MCF2L: variants seen among roughly 807,000 people sequenced by gnomAD.
MCF2L encodes the protein MCF.2 cell line derived transforming sequence like.
MCF2L carries 97 observed loss-of-function variants against 153.4 expected under a neutral mutation model. That is an observed-to-expected ratio of 0.63 (90% CI 0.54 to 0.75). MCF2L has a LOEUF of 0.75. Ranked by LOEUF, MCF2L falls within the 30% of genes least tolerant of loss-of-function variation. The pLI, the probability that MCF2L is intolerant of heterozygous loss-of-function variation, is 0.00. For synonymous variants in MCF2L, 659 were observed against 632.2 expected, an observed-to-expected ratio of 1.04 and a Z score of -0.64; for missense variants, 1,347 against 1,495.2, an observed-to-expected ratio of 0.90 and a Z score of 1.64.
At position 113,066,088 on chromosome 13, in the gene MCF2L, GA is replaced by G; in HGVS notation, c.800del (p.Glu267GlyfsTer15). The G allele has an allele frequency of 6.2e-7, 1 of 1,613,374 alleles. No individual in the cohort carries two copies. ...LALKEGHSVL[E>X]SLRELQAEGS... ...ACTGAAAGAGGGGCACAGTGTCCTG[GA>G]GAGCCTCAGGGAGCTGCAGGCTGAG... On this transcript the variant is annotated frameshift_variant, in exon 8 of 30. Transcript: ENST00000535094. LOFTEE classifies it high-confidence loss of function.
chr13:113,040,204 A>T (rs2086390486), intron 3 of MCF2L: 1 of 152,222 alleles, frequency 6.6e-6, no homozygotes, highest in African/African-American at 2.4e-5. Flanking sequence ...AAGAGTCGGG[A>T]TGGGGCACCC....
intron 1 of MCF2L, among the ~76,000 whole-genome samples, chr13:112,895,556 A>AG (rs1166056331): frequency 6.6e-6 from 1 of 152,060 alleles, no homozygotes; most frequent in Non-Finnish European, 1.5e-5. Flanking sequence ...CTGTGGAGCG[A>AG]GGGGTCCAGG....
intron 3 of MCF2L, among the ~76,000 whole-genome samples, chr13:113,029,702 C>T (rs1483324996): frequency 2.6e-5 from 4 of 152,200 alleles, no homozygotes; most frequent in Non-Finnish European, 4.4e-5. Flanking sequence ...GGCTCGGTCC[C>T]GGGACATCCC....
chr13:113,047,186 G>C (rs2086870144), intron 4 of MCF2L: 1 of 152,486 alleles, frequency 6.6e-6, no homozygotes, highest in Non-Finnish European at 1.5e-5. Flanking sequence ...CCATTCATAA[G>C]GGGTCACGCC....
intron 3 of MCF2L, chr13:113,044,525 T>C: frequency 9.1e-7 from 1 of 1,101,286 alleles, no homozygotes; most frequent in Non-Finnish European, 1.3e-6. Context: ...GCCCCTGCCT[T>C]AGGCATGCCC....
intron 4 of MCF2L, among the ~76,000 whole-genome samples, chr13:113,047,927 G>A (rs191628147): frequency 9.2e-5 from 14 of 152,284 alleles, no homozygotes; most frequent in Non-Finnish European, 1.2e-4. Flanking sequence ...CTGACGCCTC[G>A]CTACGCGTGC....
chr13:112,962,530 C>G (rs2993343), intron 2 of MCF2L, among the ~76,000 whole-genome samples: 99,377 of 152,096 alleles, frequency 0.65, 32,759 homozygotes, highest in Non-Finnish European at 0.71. Context: ...GTGCCCAGGC[C>G]TGGTCCCTGG....
At position 113,070,618 on chromosome 13, in the gene MCF2L, C is replaced by T. The variant is rs2032814442; in HGVS notation, c.996+445C>T. 7.2e-6 allele frequency among the ~76,000 whole-genome samples: 1 copy of T among 139,570 alleles called. No individual in the cohort carries two copies. The highest frequency in any genetic ancestry group is 2.2e-4 in the South Asian group (1 of 4,550). The allele number at this position is 139,570 out of a possible 152,430, so 91.6% of individuals were successfully genotyped here. On this transcript the variant is annotated intron_variant, in intron 9 of 29. Transcript: ENST00000535094. This position sits in a 1 kb window ranked among gnomAD's most constrained non-coding sequence, Gnocchi z 5.6. ...CCTCCTGCGGCCCTTCGTGGACTCA[C>T]CCATGTCCCTCCTCAGCCCCCGGCA...
At chr13:112,898,615 C>A (rs1173081050) in intron 1 of MCF2L, among the ~76,000 whole-genome samples, 2 of 152,144 alleles carry the variant, frequency 1.3e-5, no homozygotes, top group African/African-American at 4.8e-5. Flanking sequence ...GTACTCCCAC[C>A]CCTGGGACCG....
At chr13:113,091,795 G>T (rs926870401) in intron 26 of MCF2L, among the ~76,000 whole-genome samples, 3 of 152,150 alleles carry the variant, frequency 2.0e-5, no homozygotes, top group African/African-American at 7.2e-5. Context: ...GACCTCCCCT[G>T]GCCTGTTGAG....
chr13:112,979,747 G>A lies in MCF2L; in HGVS notation c.79+10289G>A, dbSNP rs755129494. ...AGGAGGCGCCGGGGAACTGCAGGGC[G>A]CTCGAGGCCAGGTGAGATACAATGG... On this transcript the variant is annotated intron_variant, in intron 1 of 29. Transcript: ENST00000535094. The A allele has an allele frequency of 7.9e-5, 128 of 1,611,544 alleles. 1 individual carries two copies. The highest frequency in any genetic ancestry group is 3.3e-4 in the Middle Eastern group (2 of 6,072).
chr13:112,898,644 C>G (rs2081091069), intron 1 of MCF2L, among the ~76,000 whole-genome samples: 2 of 152,158 alleles, frequency 1.3e-5, no homozygotes, highest in Non-Finnish European at 1.5e-5. Context: ...TGCCTCCCCT[C>G]CTCCATTTGC....
chr13:113,015,350 T>C (rs2993297), intron 2 of MCF2L, among the ~76,000 whole-genome samples: 69,192 of 152,150 alleles, frequency 0.45, 16,123 homozygotes, highest in South Asian at 0.68. Context: ...CCGAGCTATG[T>C]AGATGCCGTT....
At position 113,031,464 on chromosome 13, in the gene MCF2L, G is replaced by A. The variant is rs990333220; in HGVS notation, c.278+6706G>A. Among the ~76,000 whole-genome samples, 4 of 152,204 alleles carry A rather than the reference G, an allele frequency of 2.6e-5. No individual in the cohort carries two copies. Among genetic ancestry groups the A allele is most frequent in the African/African-American group, 7.2e-5 (3 of 41,450 alleles). Reference sequence around the variant, plus strand: ...ACAGAGTGCCGGGGAGTCGGGGGCTGTAGGGACAGAGTCTGGGAGGTGAGA... The same window carrying A: ...ACAGAGTGCCGGGGAGTCGGGGGCTATAGGGACAGAGTCTGGGAGGTGAGA... On this transcript the variant is annotated intron_variant, in intron 3 of 29. Transcript: ENST00000535094. This position sits in a 1 kb window ranked among gnomAD's most constrained non-coding sequence, Gnocchi z 5.5.
At chr13:113,091,622 G>C (rs143001746) in intron 26 of MCF2L, among the ~76,000 whole-genome samples, 1 of 152,048 alleles carries the variant, frequency 6.6e-6, no homozygotes, top group Non-Finnish European at 1.5e-5. Context: ...TGGCAGGGCC[G>C]ACCCGGACCC....
At chr13:113,075,342 G>A (rs1457037192) in intron 11 of MCF2L, among the ~76,000 whole-genome samples, 153 bp downstream of exon 11, 2 of 151,942 alleles carry the variant, frequency 1.3e-5, no homozygotes, top group African/African-American at 2.4e-5. Context: ...TGTTGGCCTA[G>A]AGGGTCTTTT....
intron 1 of MCF2L, among the ~76,000 whole-genome samples, chr13:113,000,060 C>T (rs762313010): frequency 2.4e-4 from 37 of 152,174 alleles, no homozygotes; most frequent in Non-Finnish European, 4.4e-4. Context: ...GCAGGTGCAT[C>T]GGCTGGTGCC....
At chr13:113,059,010 GTGGGTGCTGAGTGTT>G (rs1259651113) in intron 4 of MCF2L, among the ~76,000 whole-genome samples, 4 of 86,134 alleles carry the variant, frequency 4.6e-5, no homozygotes, top group Admixed American at 2.3e-4. Flanking sequence ...TGGGTGCTGA[GTGGGTGCTGAGTGTT>G]TGGGTGCTGA....
intron 2 of MCF2L, among the ~76,000 whole-genome samples, chr13:112,934,464 C>A (rs2081493881): frequency 6.6e-6 from 1 of 151,860 alleles, no homozygotes; most frequent in African/African-American, 2.4e-5. Context: ...ACCCTCAAGG[C>A]TTGTGCAACT....
Sources: allele counts gnomAD v4.1 joint callset (sites outside exome capture counted in the v4.1 genomes callset), GRCh38; gene constraint gnomAD v4.1.1; non-coding constraint Gnocchi (gnomAD v3.1); transcripts MANE v1.5; gene names NCBI Gene and HGNC (gene_info 2026-07-23, HGNC 2026-07-21).